MAPK4: variants seen among roughly 807,000 people sequenced by gnomAD.
The protein encoded by MAPK4 is Erk3-related.
MAPK4 carries 22 observed loss-of-function variants against 47.7 expected under a neutral mutation model. That is an observed-to-expected ratio of 0.46 (90% CI 0.33 to 0.66). The LOEUF (loss-of-function observed/expected upper bound fraction) is 0.66. Among genes scored for constraint, MAPK4 ranks in the 30% least tolerant of loss-of-function variants. The pLI is 0.02. For synonymous variants in MAPK4, 390 were observed against 365.7 expected (o/e 1.07, Z -0.76); for missense variants, 736 against 831.7 (o/e 0.88, Z 1.42).
chr18:50,703,663 G>C (rs1330064346), intron 2 of MAPK4, among the ~76,000 whole-genome samples: 1 of 152,174 alleles, frequency 6.6e-6, no homozygotes, highest in Non-Finnish European at 1.5e-5. Context: ...TCCTGAGAAA[G>C]ACTGGTCCCC....
chr18:50,629,262 C>T (rs971171932), intron 1 of MAPK4, among the ~76,000 whole-genome samples: 1 of 152,192 alleles, frequency 6.6e-6, no homozygotes, highest in Non-Finnish European at 1.5e-5. Flanking sequence ...GTTAATTCCC[C>T]AAGCGGTAGC....
At chr18:50,683,746 CT>C (rs1908715044) in intron 2 of MAPK4, among the ~76,000 whole-genome samples, 1 of 152,244 alleles carries the variant, frequency 6.6e-6, no homozygotes, top group African/African-American at 2.4e-5. Context: ...CCACACAGCT[CT>C]TTCAGCCCCA....
chr18:50,626,680 G>A (rs969025781), intron 1 of MAPK4, among the ~76,000 whole-genome samples: 10 of 152,006 alleles, frequency 6.6e-5, no homozygotes, highest in Non-Finnish European at 1.2e-4. Context: ...AACCTGGAAC[G>A]AGACCAGGCC....
intron 1 of MAPK4, among the ~76,000 whole-genome samples, chr18:50,661,010 C>A (rs1266380640): frequency 6.6e-6 from 1 of 152,150 alleles, no homozygotes; most frequent in Non-Finnish European, 1.5e-5. Flanking sequence ...CGCTGATTAT[C>A]TGCATTGCAG....
At chr18:50,625,882 GCACACACACACACACACACACACACACA>G (rs58870306) in intron 1 of MAPK4, among the ~76,000 whole-genome samples, 1 of 145,342 alleles carries the variant, frequency 6.9e-6, no homozygotes, top group African/African-American at 2.6e-5. Flanking sequence ...GTGTGTGTAT[GCACACACACACACACACACACACACACA>G]CACACACACA....
chr18:50,608,066 T>G (rs1168903833), intron 1 of MAPK4, among the ~76,000 whole-genome samples: 2 of 152,224 alleles, frequency 1.3e-5, no homozygotes, highest in African/African-American at 4.8e-5. Context: ...CTTTCCCTAA[T>G]CAAAAATGAG....
chr18:50,676,403 A>T (rs1473402937), intron 2 of MAPK4, among the ~76,000 whole-genome samples: 1 of 152,222 alleles, frequency 6.6e-6, no homozygotes, highest in South Asian at 2.1e-4. Flanking sequence ...TAGCCGTCAA[A>T]CCAGTTATCA....
At position 50,664,113 on chromosome 18, in the gene MAPK4, C is replaced by A. The variant is rs140972647; in HGVS notation, c.155C>A (p.Ala52Asp). The A allele has an allele frequency of 1.2e-6, 2 of 1,614,088 alleles. No individual in the cohort carries two copies. Among genetic ancestry groups the A allele is most frequent in the South Asian group, 1.1e-5 (1 of 91,074 alleles). ...CGGAAGGTCGCTGTGAAGAAGATTG[C>A]CCTGAGCGATGCCCGCAGCATGAAG... ...ACRKVAVKKI[A>D]LSDARSMKHA... The change falls in exon 2 of 6, where the codon GCC becomes GAC. Residue 52 changes from alanine (A) to aspartate (D), a missense_variant. Coordinates refer to ENST00000400384, the MANE Select transcript of MAPK4 (RefSeq NM_002747.4). The surrounding 1 kb of genome is among the most constrained non-coding windows in gnomAD (Gnocchi z 6.0).
chr18:50,601,097 TAA>T (rs3080769), intron 1 of MAPK4, among the ~76,000 whole-genome samples: 50,779 of 134,426 alleles, frequency 0.38, 10,160 homozygotes, highest in Middle Eastern at 0.48. Flanking sequence ...CCTATCTCTG[TAA>T]AAAAAAAAAA....
intron 3 of MAPK4, among the ~76,000 whole-genome samples, chr18:50,716,825 G>A (rs1453475345): frequency 6.6e-6 from 1 of 152,066 alleles, no homozygotes; most frequent in African/African-American, 2.4e-5. Context: ...TCTCCCCTCA[G>A]CTCTGTTGAG....
At chr18:50,620,522 T>C (rs969135791) in intron 1 of MAPK4, among the ~76,000 whole-genome samples, 11 of 152,222 alleles carry the variant, frequency 7.2e-5, no homozygotes, top group African/African-American at 1.9e-4. Flanking sequence ...CCATCAACAT[T>C]TACTTTCTGC....
intron 1 of MAPK4, among the ~76,000 whole-genome samples, chr18:50,575,791 G>GCAAAAAAAAAAAAAAAAAAAAAA (rs2042290066): frequency 4.5e-5 from 1 of 22,392 alleles, no homozygotes; most frequent in Non-Finnish European, 8.7e-5. Context: ...GAATCAACAA[G>GCAAAAAAAAAAAAAAAAAAAAAA]CAAAAAAAAA....
intron 1 of MAPK4, among the ~76,000 whole-genome samples, chr18:50,604,097 G>GA (rs896524356): frequency 6.6e-6 from 1 of 152,008 alleles, no homozygotes; most frequent in Non-Finnish European, 1.5e-5. Context: ...GACAAGACAA[G>GA]AAAAAAAACT....
intron 1 of MAPK4, among the ~76,000 whole-genome samples, chr18:50,604,684 T>A (rs1264561855): frequency 1.3e-5 from 2 of 152,236 alleles, no homozygotes; most frequent in Admixed American, 1.3e-4. Flanking sequence ...TTATCCACTG[T>A]TAGGTTTTGC....
chr18:50,672,749 G>A (rs1024080745), intron 2 of MAPK4, among the ~76,000 whole-genome samples: 8 of 152,168 alleles, frequency 5.3e-5, no homozygotes, highest in Admixed American at 4.6e-4. Flanking sequence ...TCCTAGAGGC[G>A]TCCTGCTTGC....
At chr18:50,675,601 C>T (rs1034741665) in intron 2 of MAPK4, among the ~76,000 whole-genome samples, 2 of 152,204 alleles carry the variant, frequency 1.3e-5, no homozygotes, top group Non-Finnish European at 2.9e-5. Flanking sequence ...ACGTGATTCT[C>T]CTGCCTCAGC....
intron 1 of MAPK4, among the ~76,000 whole-genome samples, chr18:50,631,344 C>G (rs1045089658): frequency 6.6e-6 from 1 of 152,078 alleles, no homozygotes; most frequent in Admixed American, 6.5e-5. Flanking sequence ...AAGCTTTGAT[C>G]AGACATACGG....
intron 3 of MAPK4, among the ~76,000 whole-genome samples, chr18:50,717,121 T>A (rs1910680689): frequency 6.6e-6 from 1 of 152,158 alleles, no homozygotes; most frequent in Non-Finnish European, 1.5e-5. Context: ...TCTACTATCC[T>A]GACACAGAGC....
At chr18:50,708,572 G>A (rs930456240) in intron 2 of MAPK4, among the ~76,000 whole-genome samples, 5 of 152,186 alleles carry the variant, frequency 3.3e-5, no homozygotes, top group Admixed American at 6.5e-5. Context: ...GGATCTGAGA[G>A]CACCCCAAAG....
Sources: allele counts gnomAD v4.1 joint callset (sites outside exome capture counted in the v4.1 genomes callset), GRCh38; gene constraint gnomAD v4.1.1; non-coding constraint Gnocchi (gnomAD v3.1); transcripts MANE v1.5; gene names NCBI Gene and HGNC (gene_info 2026-07-23, HGNC 2026-07-21).